MROH9: variants seen among roughly 807,000 people sequenced by gnomAD.
The protein encoded by MROH9 is maestro heat-like repeat-containing protein family member 9.
In MROH9, 92 loss-of-function variants were observed where a neutral mutation model predicts 98.2. The ratio of observed to expected loss-of-function variants is 0.94; its 90% CI spans 0.79 to 1.11. The LOEUF (loss-of-function observed/expected upper bound fraction) is 1.11, where lower values mean the gene tolerates loss of function less well. Ranked by LOEUF, MROH9 falls within the 50% of genes most tolerant of loss-of-function variation. MROH9 has a pLI of 0.00. For missense variants in MROH9, 1,057 were observed against 1,014.8 expected (o/e 1.04, Z -0.57); for synonymous variants, 397 against 368.9 (o/e 1.08, Z -0.87).
chr1:171,000,250 T>C (rs1651742673), intron 15 of MROH9, among the ~76,000 whole-genome samples: 1 of 152,068 alleles, frequency 6.6e-6, no homozygotes. Flanking sequence ...GGTCATGAAA[T>C]CCTTGTCTAA....
At chr1:170,998,662 A>G in intron 15 of MROH9, 1 of 1,125,366 alleles carries the variant, frequency 8.9e-7, no homozygotes, top group African/African-American at 1.6e-5. Context: ...GGAGAAAGGA[A>G]CTGGCTGAGT....
chr1:170,936,865 G>A (rs1031673776), intron 1 of MROH9, among the ~76,000 whole-genome samples: 5 of 152,024 alleles, frequency 3.3e-5, no homozygotes, highest in Admixed American at 2.0e-4. Flanking sequence ...TTCGTGGGGT[G>A]GGGGAGATCT....
chr1:170,936,781 A>C (rs1385994326), intron 1 of MROH9, among the ~76,000 whole-genome samples: 1 of 151,872 alleles, frequency 6.6e-6, no homozygotes, highest in Non-Finnish European at 1.5e-5. Flanking sequence ...GATATTTATT[A>C]TTTAGGTGCA....
At chr1:170,998,676 T>C (rs1490580018) in intron 15 of MROH9, 1 of 1,100,402 alleles carries the variant, frequency 9.1e-7, no homozygotes, top group Non-Finnish European at 1.1e-6. Context: ...GCTGAGTAAC[T>C]GGGTAAAATG....
At chr1:171,009,415 T>A (rs1168256529) in intron 15 of MROH9, among the ~76,000 whole-genome samples, 1 of 152,120 alleles carries the variant, frequency 6.6e-6, no homozygotes, top group Non-Finnish European at 1.5e-5. Flanking sequence ...ACTCAGAAGG[T>A]TTATTGGTAT....
chr1:170,960,125 C>T (rs975124790), intron 5 of MROH9, among the ~76,000 whole-genome samples: 2 of 152,194 alleles, frequency 1.3e-5, no homozygotes, highest in Non-Finnish European at 2.9e-5. Context: ...TTTATAAGAG[C>T]TTCTATACAC....
rs78633964 is a variant in MROH9 at position 170,984,853 on chromosome 1, A to G, written c.729+1319A>G. 9.8e-3 allele frequency among the ~76,000 whole-genome samples: 1,491 copies of G among 152,326 alleles called. 25 individuals are homozygous for G. Among genetic ancestry groups the G allele is most frequent in the African/African-American group, 0.034 (1,395 of 41,568 alleles). On this transcript the variant is annotated intron_variant, in intron 9 of 21. Coordinates refer to ENST00000367759, the MANE Select transcript of MROH9 (RefSeq NM_001163629.2). ...ACCTGGAGTTGGGACTTCCAGTAGT[A>G]GATGGAACAGGTAAATTGAGAGAAT...
intron 6 of MROH9, 112 bp downstream of exon 6, chr1:170,962,088 G>A: frequency 1.6e-6 from 1 of 617,420 alleles, no homozygotes; most frequent in Non-Finnish European, 2.7e-6. Flanking sequence ...TTTGATGACT[G>A]AAAGTTTTTC....
At chr1:170,953,494 AT>A (rs1396212529) in intron 3 of MROH9, among the ~76,000 whole-genome samples, 1 of 151,972 alleles carries the variant, frequency 6.6e-6, no homozygotes, top group African/African-American at 2.4e-5. Flanking sequence ...TTTATGATCC[AT>A]TTTGTGTAGG....
chr1:171,023,175 C>T (rs181699655), intron 17 of MROH9, among the ~76,000 whole-genome samples: 1 of 152,144 alleles, frequency 6.6e-6, no homozygotes, highest in Non-Finnish European at 1.5e-5. Flanking sequence ...AGCTATGATC[C>T]TGCCCCTGCA....
At chr1:171,047,652 G>T (rs1197280877) in intron 20 of MROH9, among the ~76,000 whole-genome samples, 1 of 152,016 alleles carries the variant, frequency 6.6e-6, no homozygotes, top group African/African-American at 2.4e-5. Context: ...CTCCATGATT[G>T]GTCCATGGTG....
chr1:171,021,183 G>T (rs1652505514), intron 17 of MROH9, among the ~76,000 whole-genome samples: 1 of 152,046 alleles, frequency 6.6e-6, no homozygotes, highest in Admixed American at 6.6e-5. Context: ...TGGCCATACT[G>T]CCCAAGTAAT....
chr1:170,954,116 G>A lies in MROH9; in HGVS notation c.73-4345G>A, dbSNP rs1198494815. ...TGTAGAAGTCTTTATCTTTATTTTT[G>A]GTAAACTGGAATTTTATAAAAATGT... On this transcript the variant is annotated intron_variant, in intron 3 of 21. Transcript: ENST00000367759. Among the ~76,000 whole-genome samples the A allele has an allele frequency of 2.6e-5, 4 of 151,900 alleles. No homozygotes were observed. The East Asian group carries it at 7.7e-4, about 29-fold the overall frequency.
intron 3 of MROH9, among the ~76,000 whole-genome samples, chr1:170,952,922 T>A (rs1003692976): frequency 6.6e-6 from 1 of 152,024 alleles, no homozygotes; most frequent in South Asian, 2.1e-4. Context: ...AAATCTTTAC[T>A]ACAGATAGCT....
At chr1:170,952,274 C>A (rs531377255) in intron 3 of MROH9, among the ~76,000 whole-genome samples, 193 of 152,222 alleles carry the variant, frequency 1.3e-3, no homozygotes, top group African/African-American at 4.4e-3. Context: ...GATTATAAGT[C>A]ATGCTGCTAT....
rs184375714 is a variant in MROH9, at chr1:171,018,258, T to C, written c.1908+1922T>C. Among the ~76,000 whole-genome samples, 16 of 151,718 alleles carry C rather than the reference T, an allele frequency of 1.1e-4. No individual in the cohort carries two copies. In the East Asian group the frequency reaches 2.1e-3, roughly 20 times the overall value. On this transcript the variant is annotated intron_variant, in intron 17 of 21. Transcript: ENST00000367759. ...CAGACATGGGAGCAAATCAGATGAA[T>C]AGGGCCTAAAGTGAGCCCCCAGAAA... is the stretch of plus-strand genomic sequence containing the variant.
At chr1:170,942,416 G>T (rs1192942660) in intron 1 of MROH9, among the ~76,000 whole-genome samples, 2 of 148,590 alleles carry the variant, frequency 1.3e-5, no homozygotes, top group Non-Finnish European at 3.0e-5. Flanking sequence ...CACACCCTCA[G>T]AGAATACCGA....
At chr1:171,012,818 T>G (rs569319113) in intron 15 of MROH9, among the ~76,000 whole-genome samples, 2 of 152,114 alleles carry the variant, frequency 1.3e-5, no homozygotes, top group African/African-American at 4.8e-5. Flanking sequence ...TATCATTGTG[T>G]TTTTGAGAGA....
rs139433255 is a variant in MROH9 at position 171,005,493 on chromosome 1, G to A, written c.1596+7219G>A. On this transcript the variant is annotated intron_variant, in intron 15 of 21. Coordinates refer to ENST00000367759, the MANE Select transcript of MROH9 (RefSeq NM_001163629.2). ...AGTTTTCAGTGTACAGGTCTGTAAC[G>A]TTGTTGGTTAAATATATTCCTAAAT... is the stretch of plus-strand genomic sequence containing the variant. Among the ~76,000 whole-genome samples the A allele has an allele frequency of 7.8e-3, 1,191 of 152,198 alleles. 6 individuals carry two copies. Among genetic ancestry groups the A allele is most frequent in the Non-Finnish European group, 0.012 (843 of 68,024 alleles).
Sources: allele counts gnomAD v4.1 joint callset (sites outside exome capture counted in the v4.1 genomes callset), GRCh38; gene constraint gnomAD v4.1.1; transcripts MANE v1.5; gene names NCBI Gene and HGNC (gene_info 2026-07-23, HGNC 2026-07-21).